NAALADL2: variants seen among roughly 807,000 people sequenced by gnomAD.
NAALADL2 encodes N-acetylated alpha-linked acidic dipeptidase like 2.
In NAALADL2, 76 loss-of-function variants were observed where a neutral mutation model predicts 87.2. That is an observed-to-expected ratio of 0.87 (90% confidence interval 0.72 to 1.05). The LOEUF (loss-of-function observed/expected upper bound fraction) is 1.05. Among genes scored for constraint, NAALADL2 ranks in the 50% least tolerant of loss-of-function variants. The probability of loss-of-function intolerance (pLI) is 0.00; values close to 1 mark genes in which losing one functional copy is unlikely to be tolerated. For missense variants in NAALADL2, 1,089 were observed against 945.8 expected (o/e 1.15, Z -1.99); for synonymous variants, 354 against 331.0 (o/e 1.07, Z -0.75).
At chr3:175,117,388 T>C (rs1421622636) in intron 2 of NAALADL2, among the ~76,000 whole-genome samples, 1 of 151,918 alleles carries the variant, frequency 6.6e-6, no homozygotes, top group African/African-American at 2.4e-5. Flanking sequence ...ATATCCAGAA[T>C]CTAGAAAGAA....
At chr3:175,235,789 G>T (rs1745732977) in intron 3 of NAALADL2, 1 of 152,112 alleles carries the variant, frequency 6.6e-6, no homozygotes, top group Non-Finnish European at 1.5e-5. Flanking sequence ...TTCAATTTCC[G>T]CTGGTGAACA....
intron 13 of NAALADL2, among the ~76,000 whole-genome samples, chr3:175,769,450 C>T (rs1749183840): frequency 1.3e-5 from 2 of 152,112 alleles, no homozygotes; most frequent in Admixed American, 6.6e-5. Flanking sequence ...AAACAAGGGC[C>T]TAGAGGCCAT....
intron 9 of NAALADL2, among the ~76,000 whole-genome samples, chr3:175,481,786 A>G (rs889560834): frequency 2.0e-5 from 3 of 152,002 alleles, no homozygotes; most frequent in Admixed American, 1.3e-4. Flanking sequence ...ATTGGCAGAT[A>G]CAGCATCATG....
chr3:174,795,296 C>A (rs529662659), intron 3 of NAALADL2, among the ~76,000 whole-genome samples: 1 of 151,914 alleles, frequency 6.6e-6, no homozygotes, highest in Non-Finnish European at 1.5e-5. Context: ...CACACCCGGC[C>A]TTCTAGTCCA....
intron 1 of NAALADL2, among the ~76,000 whole-genome samples, chr3:174,914,699 T>G (rs1734145843): frequency 6.6e-6 from 1 of 152,146 alleles, no homozygotes; most frequent in Admixed American, 6.6e-5. Flanking sequence ...ATAGATATAA[T>G]TCATTATAAT....
At chr3:175,757,398 T>A (rs1206629954) in intron 13 of NAALADL2, among the ~76,000 whole-genome samples, 1 of 152,126 alleles carries the variant, frequency 6.6e-6, no homozygotes, top group Non-Finnish European at 1.5e-5. Flanking sequence ...TGCCCATTAG[T>A]ACTAAAGTTC....
At chr3:175,094,789 T>TGA (rs1553771875) in intron 1 of NAALADL2, among the ~76,000 whole-genome samples, 7 of 150,840 alleles carry the variant, frequency 4.6e-5, no homozygotes, top group South Asian at 2.1e-4. Context: ...TGTGTGTGTG[T>TGA]GAATATTATA....
chr3:175,801,167 G>T (rs1427739973), intron 13 of NAALADL2, among the ~76,000 whole-genome samples: 1 of 152,140 alleles, frequency 6.6e-6, no homozygotes, highest in Non-Finnish European at 1.5e-5. Context: ...AGTCATCACT[G>T]TGTAATTTAA....
intron 13 of NAALADL2, among the ~76,000 whole-genome samples, chr3:175,786,758 T>TGGAGGAGGA (rs530821005): frequency 6.6e-5 from 10 of 150,798 alleles, no homozygotes; most frequent in Admixed American, 3.3e-4. Context: ...TGCGTTCCTT[T>TGGAGGAGGA]GGAGGAGGAG....
At chr3:175,760,605 G>T (rs143330135) in intron 13 of NAALADL2, among the ~76,000 whole-genome samples, 104 of 152,240 alleles carry the variant, frequency 6.8e-4, no homozygotes, top group African/African-American at 2.1e-3. Flanking sequence ...TTGACTTGTT[G>T]CTCTTGAGTA....
rs1290265098 is a variant in NAALADL2 at position 175,289,838 on chromosome 3, T to C, written c.939+33308T>C. Among the ~76,000 whole-genome samples, 3 of 151,950 alleles carry C rather than the reference T, an allele frequency of 2.0e-5. No individual in the cohort carries two copies. In the East Asian group the frequency reaches 5.8e-4, roughly 29 times the overall value. ...CAAAATAAAATGAGAAGCCACAGAC[T>C]GGGAGAAAATATTCTCAATATATAA... On this transcript the variant is annotated intron_variant, in intron 4 of 13. Transcript: ENST00000454872.
chr3:174,858,715 T>C (rs1295258669), upstream of NAALADL2, among the ~76,000 whole-genome samples: 1 of 151,914 alleles, frequency 6.6e-6, no homozygotes, highest in African/African-American at 2.4e-5. Flanking sequence ...TTAGAAATTG[T>C]TTTTTGTTTA....
rs1291906712 is a variant in NAALADL2 at position 174,441,464 on chromosome 3, G to C, written c.-184+432G>C. Among the ~76,000 whole-genome samples, 6 of 152,292 alleles carry C rather than the reference G, an allele frequency of 3.9e-5. No homozygotes were observed. The East Asian group carries it at 9.7e-4, about 25-fold the overall frequency. ...GGCAGCCCGACACGGCGCGCTAGCG[G>C]GGCGCAGGTAAAGAGCGGCGCCGCG... On this transcript the variant is annotated intron_variant, in intron 1 of 3. Transcript: ENST00000434257.
chr3:175,755,029 T>C (rs1006810512), intron 12 of NAALADL2, among the ~76,000 whole-genome samples, 191 bp from the exon 13 acceptor site: 1 of 152,128 alleles, frequency 6.6e-6, no homozygotes, highest in African/African-American at 2.4e-5. Flanking sequence ...CTTGGACAGG[T>C]AAGATTCAAA....
At chr3:175,088,599 G>T (rs1229977606) in intron 1 of NAALADL2, among the ~76,000 whole-genome samples, 2 of 152,192 alleles carry the variant, frequency 1.3e-5, no homozygotes, top group Non-Finnish European at 2.9e-5. Flanking sequence ...GTTACTTTTT[G>T]AAAGTAAAGA....
chr3:174,900,464 T>A (rs1732172322), intron 1 of NAALADL2, among the ~76,000 whole-genome samples: 1 of 152,078 alleles, frequency 6.6e-6, no homozygotes, highest in African/African-American at 2.4e-5. Context: ...CATGTTTCTA[T>A]GTGAATGTAA....
At chr3:175,277,446 T>G (rs1211648334) in intron 4 of NAALADL2, among the ~76,000 whole-genome samples, 1 of 152,192 alleles carries the variant, frequency 6.6e-6, no homozygotes, top group East Asian at 1.9e-4. Context: ...GGTAATGCTG[T>G]GGATCTAAAA....
intron 11 of NAALADL2, among the ~76,000 whole-genome samples, chr3:175,705,781 G>A (rs1334763260): frequency 2.6e-5 from 4 of 152,060 alleles, no homozygotes; most frequent in African/African-American, 9.7e-5. Context: ...TAAACCTCAA[G>A]TTAGAACAGG....
At chr3:174,975,944 G>A (rs1270070400) in intron 1 of NAALADL2, among the ~76,000 whole-genome samples, 2 of 152,144 alleles carry the variant, frequency 1.3e-5, no homozygotes, top group Admixed American at 1.3e-4. Context: ...GAGCTTCTGA[G>A]GGATCAGGCT....
Sources: allele counts gnomAD v4.1 joint callset (sites outside exome capture counted in the v4.1 genomes callset), GRCh38; gene constraint gnomAD v4.1.1; transcripts MANE v1.5; gene names NCBI Gene and HGNC (gene_info 2026-07-23, HGNC 2026-07-21).